Variants in HDAC2 observed in about 807,000 individuals in gnomAD.
HDAC2 encodes the protein YY1-associated factor 1.
In HDAC2, 5 loss-of-function variants were observed where a neutral mutation model predicts 68.5. That is an observed-to-expected ratio of 0.07 (90% CI 0.04 to 0.15). The LOEUF is 0.15. Among genes scored for constraint, HDAC2 ranks in the 10% least tolerant of loss-of-function variants. The pLI is 1.00. For synonymous variants in HDAC2, 182 were observed against 191.3 expected (o/e 0.95, Z 0.40); for missense variants, 291 against 600.8 (o/e 0.48, Z 5.39).
At position 113,956,800 on chromosome 6, in the gene HDAC2, CA is replaced by C. The variant is rs1362249884; in HGVS notation, c.284-108del. On this transcript the variant is annotated intron_variant, in intron 3 of 13. Coordinates refer to ENST00000519065, the MANE Select transcript of HDAC2 (RefSeq NM_001527.4). ...ATACTTTTTTGCTTGATGCAATCAT[CA>C]AACATACACTTCACAGTATAATATA... 80 of 728,480 alleles carry C rather than the reference CA, an allele frequency of 1.1e-4. 1 individual carries two copies. Among genetic ancestry groups the C allele is most frequent in the South Asian group, 4.3e-4 (28 of 64,418 alleles). 45.1% of individuals were successfully genotyped at this position (728,480 alleles called of 1,614,324 possible). A position where few individuals can be genotyped will look rare whatever the true frequency, so the allele number is the denominator to read the frequency against.
intron 1 of HDAC2, among the ~76,000 whole-genome samples, chr6:113,960,275 T>G (rs1259305095): frequency 6.6e-6 from 1 of 152,070 alleles, no homozygotes; most frequent in Non-Finnish European, 1.5e-5. Context: ...TTTTCTGATT[T>G]TTAGCTACCC....
intron 1 of HDAC2, among the ~76,000 whole-genome samples, chr6:113,963,086 C>T (rs1562149249): frequency 6.6e-6 from 1 of 151,616 alleles, no homozygotes. Context: ...TAGGCATCCA[C>T]TTTGTTTTCT....
rs1294261277 is a variant in HDAC2 at position 113,935,672 on chromosome 6, T to C, written c.*5386A>G. ...CTATTCAGAATCCTGCTACTCATTT[T>C]ACCTTAGAAATAATTATACATTTCT... On this transcript the variant is annotated 3_prime_UTR_variant, in exon 14 of 14. Transcript: ENST00000519065. The C allele has an allele frequency of 2.0e-5, 3 of 152,240 alleles. No homozygotes were observed. 9.4% of individuals were successfully genotyped at this position (152,240 alleles called of 1,614,324 possible).
At chr6:113,964,060 T>C (rs1424953444) in intron 1 of HDAC2, among the ~76,000 whole-genome samples, 1 of 152,182 alleles carries the variant, frequency 6.6e-6, no homozygotes, top group African/African-American at 2.4e-5. Flanking sequence ...AACATTAATA[T>C]TTCTACAGCA....
chr6:113,956,953 G>A (rs892533589), intron 3 of HDAC2: 5 of 333,492 alleles, frequency 1.5e-5, no homozygotes, highest in African/African-American at 1.0e-4. Flanking sequence ...GAACTCAATA[G>A]TTGTCTAAGT....
chr6:113,941,822 ATATTAT>A lies in HDAC2; in HGVS notation c.1379-63_1379-58del, dbSNP rs1205536094. ...CTATTTTGAAATATAAAATGTATATATATTATTTCAAAATATACTTTATTTTTAAAA... is the reference window on the plus strand; with the variant it reads ...CTATTTTGAAATATAAAATGTATATATTCAAAATATACTTTATTTTTAAAA... On this transcript the variant is annotated intron_variant, in intron 12 of 13. Coordinates refer to ENST00000519065, the MANE Select transcript of HDAC2 (RefSeq NM_001527.4). 76 of 529,768 alleles carry A rather than the reference ATATTAT, an allele frequency of 1.4e-4. No homozygotes were observed. The African/African-American group carries it at 1.5e-3, about 10-fold the overall frequency. 32.8% of individuals were successfully genotyped at this position (529,768 alleles called of 1,614,324 possible). A position where few individuals can be genotyped will look rare whatever the true frequency, so the allele number is the denominator to read the frequency against.
chr6:113,956,702 G>T lies in HDAC2; in HGVS notation c.284-9C>A, dbSNP rs200805519. The T allele has an allele frequency of 2.5e-3, 3,942 of 1,595,070 alleles. 10 individuals are homozygous for T. Among genetic ancestry groups the T allele is most frequent in the Non-Finnish European group, 3.2e-3 (3,677 of 1,163,324 alleles). On this transcript the variant is annotated splice_polypyrimidine_tract_variant and intron_variant, in intron 3 of 13. Coordinates refer to ENST00000519065, the MANE Select transcript of HDAC2 (RefSeq NM_001527.4). ...ATCTTCTCCAACATTAACTGTGGAA[G>T]ATGGATTTCATTAATTTCAACACAT...
chr6:113,967,627 C>T (rs998951426), intron 1 of HDAC2, among the ~76,000 whole-genome samples: 1 of 152,100 alleles, frequency 6.6e-6, no homozygotes, highest in South Asian at 2.1e-4. Flanking sequence ...AAAACAAGCA[C>T]TAAATATGTT....
At chr6:113,970,818 G>A in intron 1 of HDAC2, 39 bp downstream of exon 1, 1 of 1,516,136 alleles carries the variant, frequency 6.6e-7, no homozygotes, top group Non-Finnish European at 8.8e-7. Context: ...CCAGCGCCCG[G>A]CCCCGCGCGC....
chr6:113,948,163 G>T (rs904397932), intron 8 of HDAC2: 1 of 152,118 alleles, frequency 6.6e-6, no homozygotes. Context: ...TCAAAATTTA[G>T]TATGTACTGC....
chr6:113,968,285 T>C (rs1182275205), intron 1 of HDAC2: 3 of 152,184 alleles, frequency 2.0e-5, no homozygotes, highest in African/African-American at 7.2e-5. Context: ...TCAGACCCTA[T>C]TACTACAGAT....
At chr6:113,949,290 G>C (rs768487484) in intron 6 of HDAC2, 30 bp from the exon 7 acceptor site, 15 of 1,307,604 alleles carry the variant, frequency 1.1e-5, no homozygotes, top group Non-Finnish European at 1.7e-5. Flanking sequence ...TGATCTTAGA[G>C]AATATTCTAT....
intron 1 of HDAC2, among the ~76,000 whole-genome samples, chr6:113,964,430 G>A (rs1037420148): frequency 1.3e-5 from 2 of 151,968 alleles, no homozygotes; most frequent in African/African-American, 4.8e-5. Context: ...ATTTTCTTGG[G>A]ATTTTACTTG....
chr6:113,968,936 A>C (rs1287062616), intron 1 of HDAC2, among the ~76,000 whole-genome samples: 1 of 152,206 alleles, frequency 6.6e-6, no homozygotes, highest in African/African-American at 2.4e-5. Flanking sequence ...AGAGCCCATC[A>C]CTACCAACAC....
At chr6:113,962,486 C>T (rs890833915) in intron 1 of HDAC2, 1 of 199,662 alleles carries the variant, frequency 5.0e-6, no homozygotes, top group Non-Finnish European at 9.0e-6. Context: ...AGAAACTGTA[C>T]CTAATATATC....
chr6:113,968,053 T>C (rs1444997219), intron 1 of HDAC2, among the ~76,000 whole-genome samples: 2 of 152,184 alleles, frequency 1.3e-5, no homozygotes, highest in Non-Finnish European at 2.9e-5. Context: ...GAACAATATG[T>C]ATATATTTAA....
rs1771212445 is a variant in HDAC2, at chr6:113,970,854, C to T, written c.52+3G>A. On this transcript the variant is annotated splice_donor_region_variant and intron_variant, in intron 1 of 13. Coordinates refer to ENST00000519065, the MANE Select transcript of HDAC2 (RefSeq NM_001527.4). ...CCACCCCGACACCGGCCCGGCCGCT[C>T]ACCGTCGTAGTAGTAGCAGACTTTT... 2 of 1,539,148 alleles carry T rather than the reference C, an allele frequency of 1.3e-6. No individual in the cohort carries two copies. Among genetic ancestry groups the T allele is most frequent in the African/African-American group, 2.7e-5 (2 of 72,784 alleles).
intron 6 of HDAC2, among the ~76,000 whole-genome samples, chr6:113,952,437 G>A (rs971579780): frequency 6.6e-6 from 1 of 152,150 alleles, no homozygotes; most frequent in African/African-American, 2.4e-5. Flanking sequence ...AAGCCATACA[G>A]CTTAAGAATA....
chr6:113,953,744 C>A (rs758837909), intron 5 of HDAC2, among the ~76,000 whole-genome samples: 2 of 152,208 alleles, frequency 1.3e-5, no homozygotes, highest in Admixed American at 6.5e-5. Context: ...AATTAAAACA[C>A]CTCTGTAGTA....
Sources: gnomAD v4.1 joint callset for allele counts (sites outside exome capture counted in the v4.1 genomes callset) on GRCh38, gnomAD v4.1.1 for gene constraint, MANE v1.5 for transcripts, NCBI Gene and HGNC (gene_info 2026-07-23, HGNC 2026-07-21) for gene names.